TRHDE: variants seen among roughly 807,000 people sequenced by gnomAD.
The protein encoded by TRHDE is thyrotropin-releasing hormone-degrading ectoenzyme.
In TRHDE, 72 loss-of-function variants were observed where a neutral mutation model predicts 125.7. That is an observed-to-expected ratio of 0.57 (90% confidence interval 0.47 to 0.70). The LOEUF (loss-of-function observed/expected upper bound fraction) is 0.70, where lower values mean the gene tolerates loss of function less well. Ranked by LOEUF, TRHDE falls within the 30% of genes least tolerant of loss-of-function variation. TRHDE has a pLI of 0.00. For missense variants in TRHDE, 1,110 were observed against 1,327.1 expected (o/e 0.84, Z 2.54); for synonymous variants, 509 against 509.1 (o/e 1.00, Z 0.00).
intron 2 of TRHDE, among the ~76,000 whole-genome samples, chr12:72,265,261 T>C (rs1238800397): frequency 6.6e-6 from 1 of 152,016 alleles, no homozygotes; most frequent in Non-Finnish European, 1.5e-5. Context: ...CAAAGTCTAA[T>C]TGTTTGAACT....
intron 2 of TRHDE, among the ~76,000 whole-genome samples, chr12:72,343,289 A>C (rs954539490): frequency 7.2e-5 from 11 of 152,152 alleles, no homozygotes; most frequent in African/African-American, 2.6e-4. Context: ...AACTCCACAC[A>C]TACTCAAGTC....
At chr12:72,577,221 CAAAG>C (rs1871037209) in intron 12 of TRHDE, among the ~76,000 whole-genome samples, 2 of 152,128 alleles carry the variant, frequency 1.3e-5, no homozygotes, top group South Asian at 2.1e-4. Context: ...GTAAGGAACT[CAAAG>C]AAAGCTGTTT....
intron 10 of TRHDE, among the ~76,000 whole-genome samples, chr12:72,572,269 C>T (rs980979814): frequency 2.1e-4 from 32 of 152,210 alleles, no homozygotes; most frequent in African/African-American, 7.5e-4. Context: ...TACCTAATCT[C>T]TTTTCCCTTT....
intron 1 of TRHDE, among the ~76,000 whole-genome samples, chr12:72,095,719 A>T (rs1459884284): frequency 6.6e-6 from 1 of 152,192 alleles, no homozygotes; most frequent in African/African-American, 2.4e-5. Context: ...TCAGTTGCTG[A>T]CATGAAGAAA....
intron 1 of TRHDE, among the ~76,000 whole-genome samples, chr12:72,096,136 C>A (rs895148252): frequency 6.8e-6 from 1 of 147,814 alleles, no homozygotes; most frequent in African/African-American, 2.6e-5. Context: ...TATGTGTATA[C>A]ACACACACAC....
intron 2 of TRHDE, among the ~76,000 whole-genome samples, chr12:72,159,233 A>G (rs1245687506): frequency 6.6e-6 from 1 of 152,234 alleles, no homozygotes; most frequent in Non-Finnish European, 1.5e-5. Flanking sequence ...AGTTACTGAT[A>G]ATTAACCACA....
intron 8 of TRHDE, 74 bp downstream of exon 8, chr12:72,562,304 CT>C (rs1870215944): frequency 1.4e-6 from 1 of 719,374 alleles, no homozygotes; most frequent in African/African-American, 1.8e-5. Flanking sequence ...CATTCATAGC[CT>C]TTATTGACAC....
At chr12:72,642,212 A>T (rs572827125) in intron 15 of TRHDE, among the ~76,000 whole-genome samples, 2 of 152,338 alleles carry the variant, frequency 1.3e-5, no homozygotes, top group African/African-American at 4.8e-5. Context: ...AGACTAAGGC[A>T]GCCATCATTA....
At chr12:72,416,993 A>G (rs1191400646) in intron 3 of TRHDE, among the ~76,000 whole-genome samples, 1 of 152,126 alleles carries the variant, frequency 6.6e-6, no homozygotes, top group Non-Finnish European at 1.5e-5. Flanking sequence ...CTTCCAATCC[A>G]TGAACATGGA....
At chr12:72,579,694 A>G (rs1043462622) in intron 12 of TRHDE, among the ~76,000 whole-genome samples, 3 of 151,870 alleles carry the variant, frequency 2.0e-5, no homozygotes, top group East Asian at 3.9e-4. Context: ...GAAATATTCT[A>G]TTTTTCTTAA....
chr12:72,629,830 A>C (rs1284308251), intron 15 of TRHDE, among the ~76,000 whole-genome samples: 2 of 151,378 alleles, frequency 1.3e-5, no homozygotes, highest in Admixed American at 1.3e-4. Flanking sequence ...AACAACACTA[A>C]TATTTCCTTT....
intron 2 of TRHDE, among the ~76,000 whole-genome samples, chr12:72,302,946 C>T (rs551943724): frequency 5.3e-5 from 8 of 152,236 alleles, no homozygotes; most frequent in Middle Eastern, 3.4e-3. Flanking sequence ...GTAGCACATC[C>T]GATGTGACAA....
intron 5 of TRHDE, among the ~76,000 whole-genome samples, chr12:72,488,229 A>G (rs934107981): frequency 2.6e-5 from 4 of 152,100 alleles, no homozygotes; most frequent in East Asian, 3.8e-4. Context: ...GGCTGAGTGT[A>G]TAAGAAGACA....
chr12:72,338,908 AC>A (rs1384217599), intron 2 of TRHDE, among the ~76,000 whole-genome samples: 4 of 152,186 alleles, frequency 2.6e-5, no homozygotes, highest in Admixed American at 2.6e-4. Flanking sequence ...AAGCCTTTAA[AC>A]GCTTTCTCTT....
At chr12:72,490,992 CAA>C (rs71438815) in intron 5 of TRHDE, among the ~76,000 whole-genome samples, 2,273 of 119,252 alleles carry the variant, frequency 0.019, 51 homozygotes, top group African/African-American at 0.051. Flanking sequence ...GCCACAAAAC[CAA>C]AAAAAAAAAA....
intron 12 of TRHDE, among the ~76,000 whole-genome samples, chr12:72,587,329 G>T (rs1213594042): frequency 6.6e-6 from 1 of 152,016 alleles, no homozygotes; most frequent in African/African-American, 2.4e-5. Flanking sequence ...AGTATGGAGA[G>T]TTGAGAAATG....
intron 2 of TRHDE, among the ~76,000 whole-genome samples, chr12:72,353,631 A>G (rs1870683640): frequency 6.6e-6 from 1 of 151,532 alleles, no homozygotes; most frequent in African/African-American, 2.4e-5. Context: ...TATACTCATG[A>G]CTACTTGGAT....
intron 2 of TRHDE, among the ~76,000 whole-genome samples, chr12:72,377,307 T>C (rs1329420525): frequency 6.6e-6 from 1 of 150,544 alleles, no homozygotes; most frequent in African/African-American, 2.4e-5. Flanking sequence ...CTTTAGGCTT[T>C]TTTTTTTTTT....
chr12:72,181,336 T>C (rs1877092872), intron 2 of TRHDE, among the ~76,000 whole-genome samples: 1 of 152,086 alleles, frequency 6.6e-6, no homozygotes. Context: ...ATGCTTCGAG[T>C]TCGTCTCCAA....
Sources: allele counts gnomAD v4.1 joint callset (sites outside exome capture counted in the v4.1 genomes callset), GRCh38; gene constraint gnomAD v4.1.1; transcripts MANE v1.5; gene names NCBI Gene and HGNC (gene_info 2026-07-23, HGNC 2026-07-21).